CACNG8: variants seen among roughly 807,000 people sequenced by gnomAD.
CACNG8 encodes the protein voltage-dependent calcium channel gamma-8 subunit.
A neutral mutation model predicts 26.9 loss-of-function variants in CACNG8; 5 were observed. That is an observed-to-expected ratio of 0.19 (90% CI 0.10 to 0.39). CACNG8 has a LOEUF of 0.39. CACNG8 is among the 10% of genes least tolerant of loss of function. The pLI is 1.00. For synonymous variants in CACNG8, 321 were observed against 296.7 expected (o/e 1.08, Z -0.84); for missense variants, 473 against 609.4 (o/e 0.78, Z 2.36).
chr19:53,971,340 A>G (rs2069301655), intron 1 of CACNG8, among the ~76,000 whole-genome samples: 1 of 152,206 alleles, frequency 6.6e-6, no homozygotes, highest in African/African-American at 2.4e-5. Context: ...ACATTAAAAT[A>G]AATAAAAAGG....
intron 3 of CACNG8, 117 bp downstream of exon 3, chr19:53,980,124 C>T: frequency 8.5e-7 from 1 of 1,176,800 alleles, no homozygotes; most frequent in Non-Finnish European, 1.1e-6. Flanking sequence ...GTTCGTGTGT[C>T]TGCAAAGCCA....
chr19:53,972,056 G>A (rs773058404), intron 1 of CACNG8, among the ~76,000 whole-genome samples: 3 of 151,588 alleles, frequency 2.0e-5, no homozygotes, highest in Admixed American at 6.6e-5. Flanking sequence ...GTGCACTGGC[G>A]TGATATCGGC....
At chr19:53,971,098 C>G (rs1339282303) in intron 1 of CACNG8, among the ~76,000 whole-genome samples, 1 of 151,780 alleles carries the variant, frequency 6.6e-6, no homozygotes, top group East Asian at 1.9e-4. Flanking sequence ...TGGAGACCAG[C>G]CTGGCCAACA....
At position 53,982,714 on chromosome 19, in the gene CACNG8, G is replaced by T. The variant is rs2069380178; in HGVS notation, c.1143G>T (p.Thr381=). 3 of 1,163,864 alleles carry T rather than the reference G, an allele frequency of 2.6e-6. No homozygotes were observed. Among genetic ancestry groups the T allele is most frequent in the Non-Finnish European group, 3.2e-6 (3 of 950,030 alleles). The allele number at this position is 1,163,864 out of a possible 1,614,324, so 72.1% of individuals were successfully genotyped here. A position where few individuals can be genotyped will look rare whatever the true frequency, so the allele number is the denominator to read the frequency against. ...CCAAGGAGGCGGGCGGCGGCGTCAC[G>T]GTCACGGTCACCGGGCCGCCCGCCC... Residue 381 remains threonine, a synonymous_variant, in exon 4 of 4, where the codon ACG becomes ACT. Transcript: ENST00000270458. This position sits in a 1 kb window ranked among gnomAD's most constrained non-coding sequence, Gnocchi z 8.4.
intron 1 of CACNG8, among the ~76,000 whole-genome samples, chr19:53,967,819 A>G (rs1262419769): frequency 6.6e-6 from 1 of 151,864 alleles, no homozygotes; most frequent in Non-Finnish European, 1.5e-5. Flanking sequence ...TGGGCAACAG[A>G]GAGAGACTCT....
chr19:53,980,555 G>A (rs1478764379), intron 3 of CACNG8, among the ~76,000 whole-genome samples: 2 of 152,168 alleles, frequency 1.3e-5, no homozygotes, highest in African/African-American at 4.8e-5. Flanking sequence ...CTGGGTAAGG[G>A]AGACTGAATC....
rs1163815654 is a variant in CACNG8, at chr19:53,985,761, G to A, written c.*2912G>A. The stretch of plus-strand genomic sequence containing the variant: ...AGGTGAAAGGATCTCGCTTGGGCCT[G>A]GGAGGGTGAGGCTGCAGTGACCCGT... On this transcript the variant is annotated 3_prime_UTR_variant, in exon 4 of 4. Coordinates refer to ENST00000270458, the MANE Select transcript of CACNG8 (RefSeq NM_031895.6). 1.3e-5 allele frequency: 2 copies of A among 152,002 alleles called. No homozygotes were observed. The highest frequency in any genetic ancestry group is 2.9e-5 in the Non-Finnish European group (2 of 68,066). 9.4% of individuals were successfully genotyped at this position (152,002 alleles called of 1,614,324 possible).
chr19:53,980,023 A>C lies in CACNG8; in HGVS notation c.508+16A>C, dbSNP rs2069354783. ...GTGGCAGCAGGTGAGAGGCAGAGGG[A>C]GGGGGCGACCGGGGCGGCCCACCTG... On this transcript the variant is annotated intron_variant, in intron 3 of 3. Coordinates refer to ENST00000270458, the MANE Select transcript of CACNG8 (RefSeq NM_031895.6). 6.3e-7 allele frequency: 1 copy of C among 1,595,606 alleles called. No homozygotes were observed. Among genetic ancestry groups the C allele is most frequent in the East Asian group, 2.3e-5 (1 of 44,228 alleles).
intron 3 of CACNG8, among the ~76,000 whole-genome samples, chr19:53,980,230 C>A (rs984853336): frequency 2.0e-5 from 3 of 147,200 alleles, no homozygotes; most frequent in African/African-American, 7.5e-5. Flanking sequence ...GTTCTCGCGT[C>A]GCCTTCGGAG....
At chr19:53,963,746 C>T (rs1384628180) in intron 1 of CACNG8, among the ~76,000 whole-genome samples, 5 of 152,052 alleles carry the variant, frequency 3.3e-5, no homozygotes, top group Non-Finnish European at 2.9e-5. Context: ...TCTTCCCTCT[C>T]TCCAGTACCT....
intron 3 of CACNG8, among the ~76,000 whole-genome samples, chr19:53,981,371 G>C (rs1275587294): frequency 6.6e-6 from 1 of 152,090 alleles, no homozygotes; most frequent in East Asian, 1.9e-4. Context: ...GCTGGGAGTG[G>C]GGCTTAGGCC....
At chr19:53,974,495 A>G (rs373124334) in intron 1 of CACNG8, among the ~76,000 whole-genome samples, 15 of 152,180 alleles carry the variant, frequency 9.9e-5, no homozygotes, top group East Asian at 9.6e-4. Context: ...GCTGGATCAT[A>G]TGATGATTCT....
chr19:53,974,525 C>T (rs909776735), intron 1 of CACNG8, among the ~76,000 whole-genome samples: 2 of 152,168 alleles, frequency 1.3e-5, no homozygotes, highest in Non-Finnish European at 2.9e-5. Context: ...TTTTGAGGAA[C>T]CTCGACACTG....
Position 53,974,922 on chromosome 19 carries a change from G to A in CACNG8, c.284-3224G>A, listed in dbSNP as rs1008408234. On this transcript the variant is annotated intron_variant, in intron 1 of 3. Coordinates refer to ENST00000270458, the MANE Select transcript of CACNG8 (RefSeq NM_031895.6). ...CTCAAAGTGCTGGGATTACTGACGT[G>A]AGCTACCGCACCCAGCCTATTTTAT... 2.0e-5 allele frequency among the ~76,000 whole-genome samples: 3 copies of A among 150,572 alleles called. No individual in the cohort carries two copies. The Admixed American group carries it at 2.0e-4, about 10-fold the overall frequency.
chr19:53,982,042 G>T lies in CACNG8; in HGVS notation c.509-38G>T. The T allele has an allele frequency of 6.6e-7, 1 of 1,519,860 alleles. No homozygotes were observed. The highest frequency in any genetic ancestry group is 8.8e-7 in the Non-Finnish European group (1 of 1,137,350). The allele number at this position is 1,519,860 out of a possible 1,614,324, so 94.1% of individuals were successfully genotyped here. Reference sequence around the variant, plus strand: ...GGCCGGGGGCGGGGGCGGGGCCGGGGGTGGCCTCGAGGCTCCCGTCTGACC... The same window carrying T: ...GGCCGGGGGCGGGGGCGGGGCCGGGTGTGGCCTCGAGGCTCCCGTCTGACC... On this transcript the variant is annotated intron_variant, in intron 3 of 3. Coordinates refer to ENST00000270458, the MANE Select transcript of CACNG8 (RefSeq NM_031895.6). The surrounding 1 kb of genome is among the most constrained non-coding windows in gnomAD (Gnocchi z 8.4).
At position 53,982,431 on chromosome 19, in the gene CACNG8, G is replaced by C. The variant is rs1247485837; in HGVS notation, c.860G>C (p.Arg287Pro). ...CGCTCCAGCGAGCCGTCGCCGTCGCGGGACGCGTCTCCCGGCGGCCCCGGG... is the reference window on the plus strand; with the variant it reads ...CGCTCCAGCGAGCCGTCGCCGTCGCCGGACGCGTCTCCCGGCGGCCCCGGG... The change falls in exon 4 of 4, where the codon CGG becomes CCG. Residue 287 changes from arginine (R) to proline (P), a missense_variant. Arg to Pro is a moderately radical substitution (Grantham distance 103, BLOSUM62 -2). Coordinates refer to ENST00000270458, the MANE Select transcript of CACNG8 (RefSeq NM_031895.6). The surrounding 1 kb of genome is among the most constrained non-coding windows in gnomAD (Gnocchi z 8.4). 10 of 1,519,366 alleles carry C rather than the reference G, an allele frequency of 6.6e-6. No individual in the cohort carries two copies. Among genetic ancestry groups the C allele is most frequent in the African/African-American group, 5.7e-5 (4 of 70,132 alleles). The allele number at this position is 1,519,366 out of a possible 1,614,324, so 94.1% of individuals were successfully genotyped here.
intron 1 of CACNG8, among the ~76,000 whole-genome samples, chr19:53,973,012 C>T (rs940317899): frequency 1.3e-5 from 2 of 152,186 alleles, no homozygotes; most frequent in South Asian, 4.1e-4. Flanking sequence ...TCACTGCCTA[C>T]CTCCGAGGGT....
At position 53,982,538 on chromosome 19, in the gene CACNG8, G is replaced by A; in HGVS notation, c.967G>A (p.Ala323Thr). The A allele has an allele frequency of 8.1e-7, 1 of 1,234,226 alleles. No homozygotes were observed. The highest frequency in any genetic ancestry group is 1.0e-6 in the Non-Finnish European group (1 of 991,144). The allele number at this position is 1,234,226 out of a possible 1,614,324, so 76.5% of individuals were successfully genotyped here. Residue 323 changes from alanine (A) to threonine (T), a missense_variant, in exon 4 of 4, where the codon GCG becomes ACG. This residue lies in a region of CACNG8 where 212 missense variants were observed against 214.4 expected (regional missense o/e 0.99). Coordinates refer to ENST00000270458, the MANE Select transcript of CACNG8 (RefSeq NM_031895.6). This position sits in a 1 kb window ranked among gnomAD's most constrained non-coding sequence, Gnocchi z 8.4. ...CAAGGGCAGCGTGGCCGCGGGGCTG[G>A]CGGGGGCCGGCGGCGGCGGCGGCGG...
At chr19:53,976,628 A>AATTC (rs2069331554) in intron 1 of CACNG8, among the ~76,000 whole-genome samples, 1 of 151,558 alleles carries the variant, frequency 6.6e-6, no homozygotes. Context: ...TTCATTCATT[A>AATTC]ATTCATTCAT....
Sources: allele counts gnomAD v4.1 joint callset (sites outside exome capture counted in the v4.1 genomes callset), GRCh38; gene constraint gnomAD v4.1.1; regional missense constraint gnomAD v4.1.1; non-coding constraint Gnocchi (gnomAD v3.1); transcripts MANE v1.5; gene names NCBI Gene and HGNC (gene_info 2026-07-23, HGNC 2026-07-21).